Variants in R3HCC1L observed in about 807,000 individuals in gnomAD.
The protein encoded by R3HCC1L is R3H domain and coiled-coil containing 1 like.
In R3HCC1L, 51 loss-of-function variants were observed where a neutral mutation model predicts 59.9. That is an observed-to-expected ratio of 0.85 (90% CI 0.68 to 1.07). The LOEUF (loss-of-function observed/expected upper bound fraction) is 1.07. Ranked by LOEUF, R3HCC1L falls within the 50% of genes least tolerant of loss-of-function variation. The pLI, the probability that R3HCC1L is intolerant of heterozygous loss-of-function variation, is 0.00. For synonymous variants in R3HCC1L, 322 were observed against 315.2 expected, an observed-to-expected ratio of 1.02 and a Z score of -0.23; for missense variants, 965 against 933.0, an observed-to-expected ratio of 1.03 and a Z score of -0.45.
intron 4 of R3HCC1L, among the ~76,000 whole-genome samples, chr10:98,164,343 A>G (rs1386816892): frequency 6.7e-6 from 1 of 149,310 alleles, no homozygotes; most frequent in East Asian, 1.9e-4. Flanking sequence ...CACAGAAAAA[A>G]GAGAGGAACA....
At chr10:98,148,312 A>G (rs1440191227) in intron 1 of R3HCC1L, among the ~76,000 whole-genome samples, 4 of 152,122 alleles carry the variant, frequency 2.6e-5, no homozygotes, top group African/African-American at 9.7e-5. Flanking sequence ...TTTTCTGTAT[A>G]TAAATCGTTT....
At chr10:98,196,097 T>G (rs1177795586) in intron 4 of R3HCC1L, among the ~76,000 whole-genome samples, 1 of 152,204 alleles carries the variant, frequency 6.6e-6, no homozygotes, top group Non-Finnish European at 1.5e-5. Flanking sequence ...TATATTCTAC[T>G]TAGTACTACC....
In R3HCC1L at chr10:98,180,482, C is replaced by T. The variant is rs188967450; in HGVS notation, c.-15+17085C>T. On this transcript the variant is annotated intron_variant, in intron 4 of 9. Coordinates refer to ENST00000298999, the MANE Select transcript of R3HCC1L (RefSeq NM_001351015.2). Reference sequence around the variant, plus strand: ...CTGAGGAGTGCTTTACTTCCAACCACGTGGTCAGTTTTGGAATACGTGCCA... The same window carrying T: ...CTGAGGAGTGCTTTACTTCCAACCATGTGGTCAGTTTTGGAATACGTGCCA... 3.2e-3 allele frequency among the ~76,000 whole-genome samples: 485 copies of T among 152,206 alleles called. 5 individuals are homozygous for T. Among genetic ancestry groups the T allele is most frequent in the African/African-American group, 9.9e-3 (410 of 41,550 alleles).
At chr10:98,216,392 T>C (rs1167350070) in intron 5 of R3HCC1L, among the ~76,000 whole-genome samples, 1 of 152,036 alleles carries the variant, frequency 6.6e-6, no homozygotes, top group Non-Finnish European at 1.5e-5. Context: ...CATGTGCCTG[T>C]GGTCCCAGCT....
rs540884762 is a variant in R3HCC1L at position 98,203,095 on chromosome 10, G to A, written c.-14-5006G>A. ...TATGTTAAATGAAAGTATTATATTA[G>A]TGTTAAATATGCTGACTTTGATAAC... On this transcript the variant is annotated intron_variant, in intron 4 of 9. Transcript: ENST00000298999. 4.6e-5 allele frequency among the ~76,000 whole-genome samples: 7 copies of A among 152,266 alleles called. No homozygotes were observed. In the East Asian group the frequency reaches 7.7e-4, roughly 17 times the overall value.
chr10:98,158,491 A>T (rs528096891), intron 2 of R3HCC1L, among the ~76,000 whole-genome samples: 46 of 152,340 alleles, frequency 3.0e-4, no homozygotes, highest in Admixed American at 7.2e-4. Context: ...CCAAAATGTT[A>T]ACATTTTACT....
chr10:98,244,156 T>A lies in R3HCC1L; in HGVS notation c.2335T>A (p.Ter779ArgextTer17). ...IWEGRDQSTV[*>R] ...GGAAGGCAGAGACCAGTCTACAGTT[T>A]GAACATCACTCAATGAAAGGGATAA... is the stretch of plus-strand genomic sequence containing the variant. Residue 779 changes from the stop codon to arginine (R), a stop_lost, in exon 10 of 10, where the codon TGA becomes AGA. Coordinates refer to ENST00000298999, the MANE Select transcript of R3HCC1L (RefSeq NM_001351015.2). 1 of 1,613,552 alleles carries A rather than the reference T, an allele frequency of 6.2e-7. No homozygotes were observed. The highest frequency in any genetic ancestry group is 8.5e-7 in the Non-Finnish European group (1 of 1,179,492).
At chr10:98,211,374 A>G in intron 5 of R3HCC1L, 2 of 1,525,984 alleles carry the variant, frequency 1.3e-6, no homozygotes, top group Non-Finnish European at 1.8e-6. Flanking sequence ...CTATATCAGA[A>G]TGTGAGTAGG....
chr10:98,207,856 AAAAC>A (rs746119883), intron 4 of R3HCC1L, among the ~76,000 whole-genome samples: 1 of 152,112 alleles, frequency 6.6e-6, no homozygotes, highest in Non-Finnish European at 1.5e-5. Flanking sequence ...CAGAAATACA[AAAAC>A]AAACAAACAA....
intron 6 of R3HCC1L, 75 bp from the exon 7 acceptor site, chr10:98,234,371 T>G: frequency 3.8e-4 from 484 of 1,287,882 alleles, no homozygotes; most frequent in Middle Eastern, 1.0e-3. Context: ...AAATGCTTTA[T>G]GAGATTCTAT....
chr10:98,154,325 G>A (rs566109156), intron 1 of R3HCC1L, among the ~76,000 whole-genome samples: 1 of 152,246 alleles, frequency 6.6e-6, no homozygotes, highest in Admixed American at 6.5e-5. Context: ...CCCTTTGTGG[G>A]CATGCTTGTA....
chr10:98,145,185 A>C (rs1564610054), intron 1 of R3HCC1L, among the ~76,000 whole-genome samples: 1 of 152,242 alleles, frequency 6.6e-6, no homozygotes, highest in South Asian at 2.1e-4. Flanking sequence ...CTGCCTTGGC[A>C]ACTTTGTATG....
Position 98,186,443 on chromosome 10 carries a change from A to G in R3HCC1L, c.-14-21658A>G, listed in dbSNP as rs575262895. On this transcript the variant is annotated intron_variant, in intron 4 of 9. Transcript: ENST00000298999. ...GAGAGACATTTAACTATATTTAATC[A>G]TATAATTTCCTTGTTTTTTCCAGAT... The G allele has an allele frequency of 5.4e-5, 45 of 838,706 alleles. 1 individual carries two copies. The South Asian group carries it at 2.4e-3, about 44-fold the overall frequency. The allele number at this position is 838,706 out of a possible 1,614,324, so 52.0% of individuals were successfully genotyped here.
Position 98,154,214 on chromosome 10 carries a change from G to A in R3HCC1L, c.-267-1879G>A, listed in dbSNP as rs187453122. On this transcript the variant is annotated intron_variant, in intron 1 of 9. Transcript: ENST00000298999. ...AAAAAAAAAAAAAAAGGAAGAAAGA[G>A]CATAGTGAGTAATAGTAAGGCAGTA... Among the ~76,000 whole-genome samples the A allele has an allele frequency of 2.7e-5, 4 of 146,674 alleles. No individual in the cohort carries two copies. In the East Asian group the frequency reaches 6.0e-4, roughly 22 times the overall value.
chr10:98,145,333 T>C (rs7912705), intron 1 of R3HCC1L, among the ~76,000 whole-genome samples: 5 of 152,048 alleles, frequency 3.3e-5, no homozygotes, highest in East Asian at 1.9e-4. Flanking sequence ...GAGTAAGATA[T>C]GGGGTTAGAA....
At chr10:98,214,964 A>C (rs563053450) in intron 5 of R3HCC1L, among the ~76,000 whole-genome samples, 1 of 152,322 alleles carries the variant, frequency 6.6e-6, no homozygotes. Flanking sequence ...CTTATTTTAT[A>C]GATAAGGTAA....
intron 4 of R3HCC1L, among the ~76,000 whole-genome samples, chr10:98,197,209 C>T (rs1188119821): frequency 1.8e-5 from 1 of 55,296 alleles, no homozygotes; most frequent in Non-Finnish European, 4.7e-5. Flanking sequence ...GCCACCATGC[C>T]CCCCCCTCCA....
chr10:98,216,374 C>T (rs988614649), intron 5 of R3HCC1L, among the ~76,000 whole-genome samples: 1 of 151,902 alleles, frequency 6.6e-6, no homozygotes, highest in Non-Finnish European at 1.5e-5. Context: ...CTTAGCCGGG[C>T]GTAGTGGCAT....
At chr10:98,161,671 T>C (rs576726203) in intron 2 of R3HCC1L, among the ~76,000 whole-genome samples, 2 of 152,274 alleles carry the variant, frequency 1.3e-5, no homozygotes, top group South Asian at 4.1e-4. Flanking sequence ...TAAAAATGAA[T>C]AAAAAGACGA....
Sources: gnomAD v4.1 joint callset for allele counts (sites outside exome capture counted in the v4.1 genomes callset) on GRCh38, gnomAD v4.1.1 for gene constraint, MANE v1.5 for transcripts, NCBI Gene and HGNC (gene_info 2026-07-23, HGNC 2026-07-21) for gene names.